FOXP2: variants seen among roughly 807,000 people sequenced by gnomAD.
FOXP2 encodes the protein forkhead box protein P2.
A neutral mutation model predicts 115.8 loss-of-function variants in FOXP2; 12 were observed. The ratio of observed to expected loss-of-function variants is 0.10; its 90% CI spans 0.07 to 0.17. The LOEUF is 0.17. Ranked by LOEUF, FOXP2 falls within the 10% of genes least tolerant of loss-of-function variation. The pLI, the probability that FOXP2 is intolerant of heterozygous loss-of-function variation, is 1.00. For synonymous variants in FOXP2, 328 were observed against 297.7 expected, an observed-to-expected ratio of 1.10 and a Z score of -1.05; for missense variants, 629 against 843.5, an observed-to-expected ratio of 0.75 and a Z score of 3.15.
intron 2 of FOXP2, among the ~76,000 whole-genome samples, chr7:114,453,077 A>G (rs1464909211): frequency 6.6e-6 from 1 of 152,112 alleles, no homozygotes; most frequent in African/African-American, 2.4e-5. Flanking sequence ...AACTGAGTCC[A>G]TATTTGTTTG....
intron 2 of FOXP2, among the ~76,000 whole-genome samples, chr7:114,312,774 G>A (rs894776129): frequency 3.9e-5 from 6 of 152,154 alleles, no homozygotes; most frequent in African/African-American, 1.4e-4. Flanking sequence ...CAGTGAGTCT[G>A]GGAAATCCAC....
chr7:114,617,551 T>C (rs987440960), intron 3 of FOXP2, among the ~76,000 whole-genome samples: 1 of 152,192 alleles, frequency 6.6e-6, no homozygotes, highest in Non-Finnish European at 1.5e-5. Flanking sequence ...CCCAACACTT[T>C]GGGAGGCGGA....
At chr7:114,120,822 C>T (rs1017628761) in intron 1 of FOXP2, among the ~76,000 whole-genome samples, 1 of 151,948 alleles carries the variant, frequency 6.6e-6, no homozygotes, top group African/African-American at 2.4e-5. Flanking sequence ...AGACGTTCAG[C>T]TACTTGTTTA....
chr7:114,295,056 G>A (rs1796709194), intron 2 of FOXP2, among the ~76,000 whole-genome samples: 1 of 152,004 alleles, frequency 6.6e-6, no homozygotes. Flanking sequence ...ATTTTTAAAT[G>A]AGAGTTTATG....
intron 7 of FOXP2, among the ~76,000 whole-genome samples, 176 bp downstream of exon 7, chr7:114,642,799 TATA>T (rs1190583343): frequency 0.013 from 762 of 57,342 alleles, 103 homozygotes; most frequent in East Asian, 0.099. Flanking sequence ...TATATATATA[TATA>T]TATATATATA....
At chr7:114,587,666 G>A (rs1305228226) in intron 3 of FOXP2, among the ~76,000 whole-genome samples, 1 of 151,696 alleles carries the variant, frequency 6.6e-6, no homozygotes, top group African/African-American at 2.4e-5. Flanking sequence ...CTGGAAAACT[G>A]TGACTAATTC....
At chr7:114,313,029 C>T (rs191853322) in intron 2 of FOXP2, among the ~76,000 whole-genome samples, 26 of 152,266 alleles carry the variant, frequency 1.7e-4, no homozygotes, top group African/African-American at 6.0e-4. Flanking sequence ...TATTTTATAA[C>T]CTACCATTTT....
At chr7:114,461,694 CCTTT>C (rs1795566834) in intron 2 of FOXP2, among the ~76,000 whole-genome samples, 1 of 151,932 alleles carries the variant, frequency 6.6e-6, no homozygotes, top group African/African-American at 2.4e-5. Flanking sequence ...CTCTCTCCTC[CCTTT>C]CTGTCTTCCT....
chr7:114,660,755 A>G (rs1806815476), intron 13 of FOXP2, among the ~76,000 whole-genome samples: 1 of 152,114 alleles, frequency 6.6e-6, no homozygotes, highest in Non-Finnish European at 1.5e-5. Context: ...TTTATGTTGA[A>G]GATTTACATT....
chr7:114,138,494 T>C (rs959112809), intron 1 of FOXP2, among the ~76,000 whole-genome samples: 6 of 150,982 alleles, frequency 4.0e-5, no homozygotes, highest in South Asian at 2.1e-4. Context: ...CGGGTTCACA[T>C]GATTCTCCTG....
chr7:114,627,935 CACACATATATATATATATCTCCT>C (rs1804683843), intron 3 of FOXP2, among the ~76,000 whole-genome samples: 2 of 151,732 alleles, frequency 1.3e-5, no homozygotes, highest in Admixed American at 1.3e-4. Flanking sequence ...CAGACACACA[CACACATATATATATATATCTCCT>C]ATATGAATTA....
chr7:114,445,126 G>A (rs752406214), intron 2 of FOXP2, among the ~76,000 whole-genome samples: 8 of 151,228 alleles, frequency 5.3e-5, no homozygotes, highest in East Asian at 3.9e-4. Context: ...TTCATACCTC[G>A]TACATTTCTA....
intron 3 of FOXP2, among the ~76,000 whole-genome samples, chr7:114,541,890 T>A (rs1332434154): frequency 2.0e-5 from 3 of 151,868 alleles, no homozygotes; most frequent in Admixed American, 6.6e-5. Context: ...ATTAATATTG[T>A]TATGGGAGCT....
At chr7:114,398,405 G>T (rs1792796538) in intron 2 of FOXP2, among the ~76,000 whole-genome samples, 4 of 151,992 alleles carry the variant, frequency 2.6e-5, no homozygotes, top group African/African-American at 7.2e-5. Context: ...GAAGATATTT[G>T]CAAAAAATGC....
At chr7:114,145,270 A>G (rs796106417) in intron 1 of FOXP2, among the ~76,000 whole-genome samples, 3 of 152,290 alleles carry the variant, frequency 2.0e-5, no homozygotes, top group African/African-American at 7.2e-5. Flanking sequence ...CAATTAAGAC[A>G]TTGATCAGTA....
chr7:114,655,897 A>G (rs1806560625), intron 10 of FOXP2, among the ~76,000 whole-genome samples: 1 of 152,136 alleles, frequency 6.6e-6, no homozygotes, highest in South Asian at 2.1e-4. Flanking sequence ...ATGGATGAAA[A>G]TCAAAGTTAT....
intron 16 of FOXP2, 164 bp downstream of exon 16, chr7:114,664,600 G>A (rs1807065491): frequency 2.5e-6 from 2 of 808,590 alleles, no homozygotes; most frequent in East Asian, 2.7e-5. Context: ...ATCAAAATCG[G>A]TTTTAATACA....
At chr7:114,295,256 G>C (rs1214637675) in intron 2 of FOXP2, among the ~76,000 whole-genome samples, 1 of 152,106 alleles carries the variant, frequency 6.6e-6, no homozygotes, top group Non-Finnish European at 1.5e-5. Context: ...CCCATATCAA[G>C]TATGAACCAG....
At chr7:114,392,175 T>A (rs550037184) in intron 2 of FOXP2, among the ~76,000 whole-genome samples, 2 of 152,224 alleles carry the variant, frequency 1.3e-5, no homozygotes, top group Admixed American at 1.3e-4. Context: ...CCAGTAGATA[T>A]AATGGAGAAG....
Sources: allele counts gnomAD v4.1 joint callset (sites outside exome capture counted in the v4.1 genomes callset), GRCh38; gene constraint gnomAD v4.1.1; transcripts MANE v1.5; gene names NCBI Gene and HGNC (gene_info 2026-07-23, HGNC 2026-07-21).